Variants in DPYD observed in about 807,000 individuals in gnomAD.
The protein encoded by DPYD is dihydropyrimidine dehydrogenase [NADP(+)].
DPYD carries 109 observed loss-of-function variants against 116.2 expected under a neutral mutation model. The ratio of observed to expected loss-of-function variants is 0.94; its 90% CI spans 0.80 to 1.10. The LOEUF is 1.10. DPYD is among the 50% of genes least tolerant of loss of function. The pLI, the probability that DPYD is intolerant of heterozygous loss-of-function variation, is 0.00. For missense variants in DPYD, 1,302 were observed against 1,254.5 expected, an observed-to-expected ratio of 1.04 and a Z score of -0.57; for synonymous variants, 440 against 432.0, an observed-to-expected ratio of 1.02 and a Z score of -0.23.
intron 13 of DPYD, among the ~76,000 whole-genome samples, chr1:97,463,321 C>A (rs1677125905): frequency 6.6e-6 from 1 of 152,186 alleles, no homozygotes; most frequent in Admixed American, 6.5e-5. Context: ...CCTGCACTCT[C>A]TCTTTGCCTG....
chr1:97,674,742 C>G (rs1660050119), intron 8 of DPYD, among the ~76,000 whole-genome samples: 1 of 151,768 alleles, frequency 6.6e-6, no homozygotes, highest in African/African-American at 2.4e-5. Flanking sequence ...TATGGTTGTT[C>G]TTTTTGAATG....
At chr1:97,336,892 TG>T in intron 16 of DPYD, among the ~76,000 whole-genome samples, 1 of 152,078 alleles carries the variant, frequency 6.6e-6, no homozygotes, top group East Asian at 1.9e-4. Context: ...TGGGATTGAA[TG>T]GAAAAATACA....
intron 20 of DPYD, among the ~76,000 whole-genome samples, chr1:97,148,754 G>A (rs1274477225): frequency 6.6e-6 from 1 of 152,130 alleles, no homozygotes; most frequent in South Asian, 2.1e-4. Flanking sequence ...TTGAACTCCT[G>A]TGATTAAATA....
At chr1:97,310,992 A>G (rs1479682499) in intron 16 of DPYD, among the ~76,000 whole-genome samples, 1 of 151,798 alleles carries the variant, frequency 6.6e-6, no homozygotes, top group East Asian at 1.9e-4. Flanking sequence ...ACAGAAGTAG[A>G]CATTATATGC....
chr1:97,486,814 TGAGTA>T (rs1678666641), intron 13 of DPYD, among the ~76,000 whole-genome samples: 2 of 151,942 alleles, frequency 1.3e-5, no homozygotes, highest in Admixed American at 1.3e-4. Flanking sequence ...ATCCTAGAAT[TGAGTA>T]AAGTTTTCTT....
At chr1:97,663,703 T>C (rs1659395107) in intron 8 of DPYD, among the ~76,000 whole-genome samples, 1 of 152,182 alleles carries the variant, frequency 6.6e-6, no homozygotes, top group Admixed American at 6.5e-5. Flanking sequence ...CTAAACACAT[T>C]TGCATTGCCA....
chr1:97,488,294 G>T (rs753028431), intron 13 of DPYD, among the ~76,000 whole-genome samples: 10 of 152,134 alleles, frequency 6.6e-5, no homozygotes, highest in Non-Finnish European at 1.3e-4. Context: ...TGAGGGGACA[G>T]AAGTAAGTGT....
intron 18 of DPYD, among the ~76,000 whole-genome samples, chr1:97,236,650 T>TACAC (rs61477464): frequency 6.6e-6 from 1 of 151,572 alleles, no homozygotes; most frequent in Non-Finnish European, 1.5e-5. Context: ...GTTATACATT[T>TACAC]ACACACACAC....
At position 97,440,237 on chromosome 1, in the gene DPYD, C is replaced by A. The variant is rs994615000; in HGVS notation, c.1905+9822G>T. ...CAATATCACACCATTGCACTCCAGT[C>A]TGGGCAACAAAAGCAAAACTCCCTC... On this transcript the variant is annotated intron_variant, in intron 14 of 22. Coordinates refer to ENST00000370192, the MANE Select transcript of DPYD (RefSeq NM_000110.4). 2.6e-4 allele frequency among the ~76,000 whole-genome samples: 38 copies of A among 147,984 alleles called. 1 individual carries two copies. The highest frequency in any genetic ancestry group is 2.3e-3 in the Admixed American group (34 of 14,704).
intron 14 of DPYD, chr1:97,420,159 G>A (rs769026418): frequency 2.6e-5 from 4 of 152,228 alleles, no homozygotes; most frequent in Non-Finnish European, 4.4e-5. Flanking sequence ...GTACTTCACA[G>A]TGACCCTGCA....
chr1:97,373,294 A>C (rs1447674078), intron 16 of DPYD, among the ~76,000 whole-genome samples: 1 of 152,234 alleles, frequency 6.6e-6, no homozygotes, highest in African/African-American at 2.4e-5. Flanking sequence ...ATTCTGCTTC[A>C]GCGCTTTTAA....
intron 13 of DPYD, among the ~76,000 whole-genome samples, chr1:97,457,023 G>A (rs906302445): frequency 1.3e-5 from 2 of 151,990 alleles, no homozygotes; most frequent in African/African-American, 2.4e-5. Flanking sequence ...AACATGGCAC[G>A]GTGTGTACTT....
chr1:97,537,254 T>C (rs899123953), intron 12 of DPYD, among the ~76,000 whole-genome samples: 2 of 152,204 alleles, frequency 1.3e-5, no homozygotes, highest in African/African-American at 4.8e-5. Context: ...TTCACTTTTT[T>C]TCCCACATCA....
intron 18 of DPYD, among the ~76,000 whole-genome samples, chr1:97,299,471 C>A (rs1042840732): frequency 6.6e-6 from 1 of 152,002 alleles, no homozygotes. Flanking sequence ...TCCAGGTACC[C>A]ATGAATTTGT....
intron 16 of DPYD, among the ~76,000 whole-genome samples, chr1:97,369,151 C>A (rs977427846): frequency 3.3e-5 from 5 of 152,120 alleles, no homozygotes; most frequent in Admixed American, 2.6e-4. Flanking sequence ...AAAAAGGTGT[C>A]ATTTTGGCTG....
intron 14 of DPYD, among the ~76,000 whole-genome samples, chr1:97,402,869 A>G (rs1673447720): frequency 6.6e-6 from 1 of 152,060 alleles, no homozygotes; most frequent in African/African-American, 2.4e-5. Context: ...TGATAAAATC[A>G]TGTGATTTTT....
intron 20 of DPYD, among the ~76,000 whole-genome samples, chr1:97,145,188 T>C (rs780088729): frequency 2.6e-5 from 4 of 152,222 alleles, no homozygotes; most frequent in Non-Finnish European, 4.4e-5. Flanking sequence ...TGTTCTAATC[T>C]AATGGTTGAT....
chr1:97,505,437 T>C (rs1647254021), intron 13 of DPYD, among the ~76,000 whole-genome samples: 2 of 150,214 alleles, frequency 1.3e-5, no homozygotes, highest in Non-Finnish European at 3.0e-5. Context: ...ACAGTTCAAA[T>C]GTGAAGAAAA....
chr1:97,778,109 G>A (rs544471608), intron 3 of DPYD, among the ~76,000 whole-genome samples: 1 of 147,296 alleles, frequency 6.8e-6, no homozygotes, highest in Non-Finnish European at 1.5e-5. Context: ...AGTGAGTCAA[G>A]GCTCCGCCAC....
Sources: allele counts gnomAD v4.1 joint callset (sites outside exome capture counted in the v4.1 genomes callset), GRCh38; gene constraint gnomAD v4.1.1; transcripts MANE v1.5; gene names NCBI Gene and HGNC (gene_info 2026-07-23, HGNC 2026-07-21).